RNASEH2C: variants seen among roughly 807,000 people sequenced by gnomAD.
RNASEH2C encodes the protein ribonuclease H2 subunit C, also known as RNase H1 small subunit.
RNASEH2C carries 20 observed loss-of-function variants against 16.3 expected under a neutral mutation model. The ratio of observed to expected loss-of-function variants is 1.23; its 90% CI spans 0.86 to 1.79. The LOEUF is 1.79. RNASEH2C is among the 40% of genes most tolerant of loss of function. RNASEH2C has a pLI of 0.00. For synonymous variants in RNASEH2C, 106 were observed against 98.9 expected, an observed-to-expected ratio of 1.07 and a Z score of -0.43; for missense variants, 296 against 235.9, an observed-to-expected ratio of 1.25 and a Z score of -1.67.
chr11:65,720,471 G>A, intron 1 of RNASEH2C, 54 bp from the exon 2 acceptor site: 2 of 1,602,252 alleles, frequency 1.2e-6, no homozygotes, highest in Non-Finnish European at 1.7e-6. Flanking sequence ...GGTCGAGCCC[G>A]GAGCTGCCCT....
intron 1 of RNASEH2C, 65 bp downstream of exon 1, chr11:65,720,522 G>A: frequency 6.5e-7 from 1 of 1,549,312 alleles, no homozygotes; most frequent in Non-Finnish European, 8.7e-7. Context: ...AGGAGCCCAG[G>A]CGATGAGAAG....
chr11:65,719,842 G>A, intron 3 of RNASEH2C, 33 bp from the exon 4 acceptor site: 7 of 1,613,854 alleles, frequency 4.3e-6, no homozygotes, highest in Non-Finnish European at 5.9e-6. Flanking sequence ...TGTTGGACTT[G>A]TAAGACAGGG....
Position 65,719,810 on chromosome 11 carries a change from C to A in RNASEH2C, c.469-1G>T. The A allele has an allele frequency of 6.2e-7, 1 of 1,614,170 alleles. No individual in the cohort carries two copies. Among genetic ancestry groups the A allele is most frequent in the Non-Finnish European group, 8.5e-7 (1 of 1,180,030 alleles). On this transcript the variant is annotated splice_acceptor_variant, in intron 3 of 3. Transcript: ENST00000308418. LOFTEE classifies it high-confidence loss of function. Reference sequence around the variant, plus strand: ...AGTCCTCGGGCACCTGTGCGTGAATCTGCAACAGGAGTCGCCTCTACTGTT... The same window carrying A: ...AGTCCTCGGGCACCTGTGCGTGAATATGCAACAGGAGTCGCCTCTACTGTT...
Position 65,718,603 on chromosome 11 carries a change from C to T in RNASEH2C, c.*1180G>A, listed in dbSNP as rs749844512. The T allele has an allele frequency of 1.2e-6, 2 of 1,614,038 alleles. No homozygotes were observed. Among genetic ancestry groups the T allele is most frequent in the Admixed American group, 1.7e-5 (1 of 60,010 alleles). ...CCATTGCTTTAGGCTATGAACTCTC[C>T]AAAGTGGAAGGGAAAACAGGGACCC... On this transcript the variant is annotated 3_prime_UTR_variant, in exon 4 of 4. Coordinates refer to ENST00000308418, the MANE Select transcript of RNASEH2C (RefSeq NM_032193.4).
Position 65,720,130 on chromosome 11 carries a change from C to A in RNASEH2C, c.383G>T (p.Arg128Leu), listed in dbSNP as rs1297545009. Residue 128 changes from arginine (R) to leucine (L), a missense_variant, in exon 3 of 4, where the codon CGC becomes CTC. By Grantham distance (102) the Arg-to-Leu change is moderately radical. Coordinates refer to ENST00000308418, the MANE Select transcript of RNASEH2C (RefSeq NM_032193.4). ...GGTCTCCAGACCCCACAGGGTGAAG[C>A]GGCTGAAGTTGGCAGTGGCTCCAAT... ...RFIGATANFS[R>L]FTLWGLETIP... is the part of the protein sequence containing the mutation. 13 of 1,614,230 alleles carry A rather than the reference C, an allele frequency of 8.1e-6. No homozygotes were observed. In the East Asian group the frequency reaches 2.7e-4, roughly 33 times the overall value.
In RNASEH2C at chr11:65,718,437, G is replaced by A; in HGVS notation, c.*1346C>T. On this transcript the variant is annotated 3_prime_UTR_variant, in exon 4 of 4. Coordinates refer to ENST00000308418, the MANE Select transcript of RNASEH2C (RefSeq NM_032193.4). Reference sequence around the variant, plus strand: ...AGTGAATACTCAGTTCTTCCTGAGGGAACTGAGGCACAGAGAAGTGGAGGG... The same window carrying A: ...AGTGAATACTCAGTTCTTCCTGAGGAAACTGAGGCACAGAGAAGTGGAGGG... 1.4e-6 allele frequency: 1 copy of A among 739,506 alleles called. No individual in the cohort carries two copies. Among genetic ancestry groups the A allele is most frequent in the Non-Finnish European group, 2.3e-6 (1 of 438,804 alleles). 45.8% of individuals were successfully genotyped at this position (739,506 alleles called of 1,614,324 possible).
Position 65,720,279 on chromosome 11 carries a change from G to A in RNASEH2C, c.311C>T (p.Thr104Ile), listed in dbSNP as rs1318717066. The A allele has an allele frequency of 6.2e-7, 1 of 1,614,244 alleles. No individual in the cohort carries two copies. Among genetic ancestry groups the A allele is most frequent in the African/African-American group, 1.3e-5 (1 of 75,076 alleles). Reference protein sequence around the residue: ...GKPDPLRDSGTDDQEEEPLER... With the variant: ...GKPDPLRDSGIDDQEEEPLER... The stretch of plus-strand genomic sequence containing the variant: ...CAGCGGCTCCTCCTCTTGGTCGTCA[G>A]TCCCGGAATCCCGCAAGGGGTCTGG... The change falls in exon 2 of 4, where the codon ACT becomes ATT. Residue 104 changes from threonine (T) to isoleucine (I), a missense_variant. By Grantham distance (89) the Thr-to-Ile change is moderately conservative. Coordinates refer to ENST00000308418, the MANE Select transcript of RNASEH2C (RefSeq NM_032193.4).
Position 65,719,309 on chromosome 11 carries a change from G to A in RNASEH2C, c.*474C>T. 1 of 1,194,470 alleles carries A rather than the reference G, an allele frequency of 8.4e-7. No homozygotes were observed. The highest frequency in any genetic ancestry group is 1.2e-6 in the Non-Finnish European group (1 of 867,144). The allele number at this position is 1,194,470 out of a possible 1,614,324, so 74.0% of individuals were successfully genotyped here. On this transcript the variant is annotated 3_prime_UTR_variant, in exon 4 of 4. Coordinates refer to ENST00000308418, the MANE Select transcript of RNASEH2C (RefSeq NM_032193.4). Reference sequence around the variant, plus strand: ...GCTGAGGACAGCTCAAAAAGGAGAGGACAGGCCTGGCAGGGGCCCACTGGT... The same window carrying A: ...GCTGAGGACAGCTCAAAAAGGAGAGAACAGGCCTGGCAGGGGCCCACTGGT...
rs1309770134 is a variant in RNASEH2C, at chr11:65,719,794, G to GC, written c.483dup (p.Pro162AlafsTer9). 14 of 1,614,024 alleles carry GC rather than the reference G, an allele frequency of 8.7e-6. No individual in the cohort carries two copies. In the South Asian group the frequency reaches 1.5e-4, roughly 18 times the overall value. ...TCAAGCTCTGGTTCTCAGTCCTCGG[G>GC]CACCTGTGCGTGAATCTGCAACAGG... On this transcript the variant is annotated frameshift_variant, in exon 4 of 4. Coordinates refer to ENST00000308418, the MANE Select transcript of RNASEH2C (RefSeq NM_032193.4). LOFTEE classifies it high-confidence loss of function.
rs927571365 is a variant in RNASEH2C at position 65,720,067 on chromosome 11, G to C, written c.446C>G (p.Thr149Ser). Residue 149 changes from threonine (T) to serine (S), a missense_variant, in exon 3 of 4, where the codon ACT (threonine) becomes AGT (serine). Thr to Ser is a moderately conservative substitution (Grantham distance 58). Coordinates refer to ENST00000308418, the MANE Select transcript of RNASEH2C (RefSeq NM_032193.4). ...CACCGCTGCCGCAAGGCTGGGCCAA[G>C]TTAAGGCCCCACGCACTTTGGCATC... is the stretch of plus-strand genomic sequence containing the variant. ...GPDAKVRGAL[T>S]WPSLAAAIHA... 3 of 1,614,002 alleles carry C rather than the reference G, an allele frequency of 1.9e-6. No individual in the cohort carries two copies. Among genetic ancestry groups the C allele is most frequent in the African/African-American group, 1.3e-5 (1 of 75,076 alleles).
Position 65,720,310 on chromosome 11 carries a change from C to T in RNASEH2C, c.280G>A (p.Gly94Arg), listed in dbSNP as rs781351230. 1 of 1,614,152 alleles carries T rather than the reference C, an allele frequency of 6.2e-7. No individual in the cohort carries two copies. Among genetic ancestry groups the T allele is most frequent in the East Asian group, 2.2e-5 (1 of 44,776 alleles). The change falls in exon 2 of 4, where the codon GGG becomes AGG. Residue 94 changes from glycine to arginine, a missense_variant. By Grantham distance (125) the Gly-to-Arg change is moderately radical (BLOSUM62 -2). Transcript: ENST00000308418. Reference protein sequence around the residue: ...MVTEEKKVSMGKPDPLRDSGT... With the variant: ...MVTEEKKVSMRKPDPLRDSGT... ...GAATCCCGCAAGGGGTCTGGCTTCCCCATCGACACCTTCTTCTCTTCTGTC... is the reference window on the plus strand; with the variant it reads ...GAATCCCGCAAGGGGTCTGGCTTCCTCATCGACACCTTCTTCTCTTCTGTC...
chr11:65,719,580 G>T lies in RNASEH2C; in HGVS notation c.*203C>A, dbSNP rs533513209. The T allele has an allele frequency of 3.0e-6, 2 of 660,562 alleles. No homozygotes were observed. The highest frequency in any genetic ancestry group is 5.0e-5 in the Admixed American group (2 of 40,278). 40.9% of individuals were successfully genotyped at this position (660,562 alleles called of 1,614,324 possible). On this transcript the variant is annotated 3_prime_UTR_variant, in exon 4 of 4. Transcript: ENST00000308418. ...GGCTTCTCTTACCCCTATTGCCCCC[G>T]GCAATAAATTGTTTCTATATGCCAG...
Position 65,719,514 on chromosome 11 carries a change from A to G in RNASEH2C, c.*269T>C. On this transcript the variant is annotated 3_prime_UTR_variant, in exon 4 of 4. Transcript: ENST00000308418. ...ATTGTAAAAATTTCTTTTGTAAAGT[A>G]GAAGTTGGGGGTGGGGTGGGTGCTG... 1.6e-6 allele frequency: 1 copy of G among 611,494 alleles called. No individual in the cohort carries two copies. Among genetic ancestry groups the G allele is most frequent in the African/African-American group, 1.8e-5 (1 of 54,146 alleles). The allele number at this position is 611,494 out of a possible 1,614,324, so 37.9% of individuals were successfully genotyped here.
Position 65,718,619 on chromosome 11 carries a change from A to G in RNASEH2C, c.*1164T>C. On this transcript the variant is annotated 3_prime_UTR_variant, in exon 4 of 4. Coordinates refer to ENST00000308418, the MANE Select transcript of RNASEH2C (RefSeq NM_032193.4). ...TGAACTCTCCAAAGTGGAAGGGAAA[A>G]CAGGGACCCCTGAGAAGCCCCTCTC... The G allele has an allele frequency of 1.2e-6, 2 of 1,614,176 alleles. No individual in the cohort carries two copies. The highest frequency in any genetic ancestry group is 1.7e-6 in the Non-Finnish European group (2 of 1,180,028).
Position 65,718,747 on chromosome 11 carries a change from C to A in RNASEH2C, c.*1036G>T, listed in dbSNP as rs1444772415. The A allele has an allele frequency of 6.2e-7, 1 of 1,614,206 alleles. No individual in the cohort carries two copies. On this transcript the variant is annotated 3_prime_UTR_variant, in exon 4 of 4. Transcript: ENST00000308418. The stretch of plus-strand genomic sequence containing the variant: ...GCGGGGAGAGGCCACAGATCACCAT[C>A]AAGTGAGCCTGGCGCTGTCTACCTG...
Position 65,719,175 on chromosome 11 carries a change from G to A in RNASEH2C, c.*608C>T. 1 of 1,613,868 alleles carries A rather than the reference G, an allele frequency of 6.2e-7. No individual in the cohort carries two copies. On this transcript the variant is annotated 3_prime_UTR_variant, in exon 4 of 4. Transcript: ENST00000308418. ...CCAAGGACTGGAGCAAGAGGGGGAAGTGGTGACCAGACACTGCCCACTGCA... is the reference window on the plus strand; with the variant it reads ...CCAAGGACTGGAGCAAGAGGGGGAAATGGTGACCAGACACTGCCCACTGCA...
At chr11:65,720,216 C>T in intron 2 of RNASEH2C, 26 bp downstream of exon 2, 3 of 1,614,260 alleles carry the variant, frequency 1.9e-6, no homozygotes, top group African/African-American at 1.3e-5. Context: ...GCCCGCACCC[C>T]CTTTCAACCC....
Position 65,719,714 on chromosome 11 carries a change from G to A in RNASEH2C, c.*69C>T. 6.5e-6 allele frequency: 10 copies of A among 1,540,666 alleles called. No homozygotes were observed. The highest frequency in any genetic ancestry group is 9.0e-6 in the Non-Finnish European group (10 of 1,114,376). On this transcript the variant is annotated 3_prime_UTR_variant, in exon 4 of 4. Transcript: ENST00000308418. ...TGAAGAGCTCCTTTATTGGGGTGATGGAATCGGTTCCAAAGAGCTGGTTTA... is the reference window on the plus strand; with the variant it reads ...TGAAGAGCTCCTTTATTGGGGTGATAGAATCGGTTCCAAAGAGCTGGTTTA...
In RNASEH2C at chr11:65,718,405, C is replaced by T. The variant is rs746434462; in HGVS notation, c.*1378G>A. Reference sequence around the variant, plus strand: ...CATGCCCTCCACTGTGCTCAGCGCACGGAAAGAGTGAATACTCAGTTCTTC... The same window carrying T: ...CATGCCCTCCACTGTGCTCAGCGCATGGAAAGAGTGAATACTCAGTTCTTC... On this transcript the variant is annotated 3_prime_UTR_variant, in exon 4 of 4. Transcript: ENST00000308418. 2.9e-5 allele frequency: 19 copies of T among 646,170 alleles called. No individual in the cohort carries two copies. Among genetic ancestry groups the T allele is most frequent in the African/African-American group, 7.2e-5 (4 of 55,536 alleles). 40.0% of individuals were successfully genotyped at this position (646,170 alleles called of 1,614,324 possible).
Sources: gnomAD v4.1 joint callset for allele counts on GRCh38, gnomAD v4.1.1 for gene constraint, MANE v1.5 for transcripts, NCBI Gene and HGNC (gene_info 2026-07-23, HGNC 2026-07-21) for gene names.